The following CTDP1 variants were observed in gnomAD, a reference collection of about 807,000 sequenced individuals.
The protein encoded by CTDP1 is CTD phosphatase 1.
Under a neutral mutation model 91.8 loss-of-function variants are expected in CTDP1, and 47 were observed. The ratio of observed to expected loss-of-function variants is 0.51; its 90% CI spans 0.41 to 0.65. The LOEUF (loss-of-function observed/expected upper bound fraction) is 0.65, where lower values mean the gene tolerates loss of function less well. Among genes scored for constraint, CTDP1 ranks in the 30% least tolerant of loss-of-function variants. The pLI, the probability that CTDP1 is intolerant of heterozygous loss-of-function variation, is 0.00. For missense variants in CTDP1, 1,272 were observed against 1,373.7 expected (o/e 0.93, Z 1.17); for synonymous variants, 656 against 598.5 (o/e 1.10, Z -1.40).
At chr18:79,734,558 G>A (rs1275158900) in intron 11 of CTDP1, among the ~76,000 whole-genome samples, 6 of 151,142 alleles carry the variant, frequency 4.0e-5, no homozygotes, top group African/African-American at 1.5e-4. Flanking sequence ...TGGCACGGAC[G>A]TCTGAGGCCC....
intron 1 of CTDP1, among the ~76,000 whole-genome samples, chr18:79,691,253 A>G (rs910769310): frequency 6.6e-6 from 1 of 152,196 alleles, no homozygotes; most frequent in African/African-American, 2.4e-5. Context: ...CTTATAGTCA[A>G]CTTTCTTCAG....
chr18:79,710,471 G>C, intron 6 of CTDP1, 35 bp downstream of exon 6: 1 of 1,439,572 alleles, frequency 6.9e-7, no homozygotes, highest in Non-Finnish European at 9.8e-7. Context: ...CAAAGACCTC[G>C]CTGTTCATTT....
chr18:79,699,418 A>G (rs593378), intron 4 of CTDP1, among the ~76,000 whole-genome samples: 115,435 of 151,728 alleles, frequency 0.76, 44,158 homozygotes, highest in Middle Eastern at 0.79. Flanking sequence ...CCGCCACCAC[A>G]CCTGGCTAAT....
chr18:79,728,685 G>C (rs902760084), intron 10 of CTDP1, among the ~76,000 whole-genome samples: 22 of 77,668 alleles, frequency 2.8e-4, no homozygotes, highest in Admixed American at 9.7e-4. Flanking sequence ...TTTTCCACAG[G>C]ATAGTCAGAA....
intron 12 of CTDP1, among the ~76,000 whole-genome samples, chr18:79,736,945 CTGTA>C (rs943501368): frequency 6.6e-6 from 1 of 151,692 alleles, no homozygotes; most frequent in Non-Finnish European, 1.5e-5. Flanking sequence ...TGTACGGGGT[CTGTA>C]TGTGTGCACA....
intron 8 of CTDP1, 55 bp from the exon 9 acceptor site, chr18:79,717,480 G>T: frequency 1.2e-6 from 2 of 1,606,696 alleles, no homozygotes; most frequent in South Asian, 1.1e-5. Context: ...CCGGATGTGG[G>T]CCCTGAGCCT....
At chr18:79,701,570 T>TAAAA (rs1320980803) in intron 4 of CTDP1, among the ~76,000 whole-genome samples, 10 of 119,334 alleles carry the variant, frequency 8.4e-5, no homozygotes, top group Admixed American at 7.3e-4. Flanking sequence ...AATAAATAAA[T>TAAAA]AAAAGAGCTA....
intron 10 of CTDP1, among the ~76,000 whole-genome samples, chr18:79,723,027 C>A (rs914109584): frequency 3.9e-5 from 6 of 152,196 alleles, no homozygotes; most frequent in African/African-American, 1.4e-4. Context: ...ACTAAATAGA[C>A]CTGTGTCCGC....
At chr18:79,723,855 GC>G (rs1280139567) in intron 10 of CTDP1, among the ~76,000 whole-genome samples, 2 of 152,156 alleles carry the variant, frequency 1.3e-5, no homozygotes, top group African/African-American at 4.8e-5. Context: ...GCTGTGTACG[GC>G]AAGTCGGCAA....
intron 12 of CTDP1, among the ~76,000 whole-genome samples, chr18:79,745,246 ATGCGCGTTCTGTCCCTGCGTCCCTCCCG>A (rs1568219157): frequency 1.1e-3 from 112 of 99,040 alleles, no homozygotes; most frequent in Middle Eastern, 0.013. Context: ...CGTCCCTCCC[ATGCGCGTTCTGTCCCTGCGTCCCTCCCG>A]TGCGCGTTCT....
chr18:79,724,840 G>A (rs571101171), intron 10 of CTDP1, among the ~76,000 whole-genome samples: 1 of 152,266 alleles, frequency 6.6e-6, no homozygotes, highest in South Asian at 2.1e-4. Flanking sequence ...GCTCTTGAGG[G>A]TGGTTTTCTG....
upstream of CTDP1, chr18:79,678,601 C>CA (rs2085284617): frequency 6.6e-6 from 1 of 152,042 alleles, no homozygotes; most frequent in Non-Finnish European, 1.5e-5. Context: ...CGACAGTTTC[C>CA]AAAATGTTAG....
chr18:79,746,524 CA>C (rs1428273960), intron 12 of CTDP1, among the ~76,000 whole-genome samples: 1 of 152,226 alleles, frequency 6.6e-6, no homozygotes, highest in African/African-American at 2.4e-5. Flanking sequence ...TTCGTGTTTT[CA>C]TAGCTACACA....
intron 12 of CTDP1, chr18:79,750,032 G>A (rs1410761287): frequency 6.6e-6 from 1 of 151,888 alleles, no homozygotes; most frequent in Non-Finnish European, 1.5e-5. Flanking sequence ...CAAACAGCAG[G>A]CGGTGCCCAG....
rs904288464 is a variant in CTDP1, at chr18:79,713,860, C to T, written c.1031-631C>T. Among the ~76,000 whole-genome samples, 2 of 151,350 alleles carry T rather than the reference C, an allele frequency of 1.3e-5. No individual in the cohort carries two copies. Among genetic ancestry groups the T allele is most frequent in the African/African-American group, 2.4e-5 (1 of 41,096 alleles). On this transcript the variant is annotated intron_variant, in intron 7 of 12. Transcript: ENST00000613122. This position sits in a 1 kb window ranked among gnomAD's most constrained non-coding sequence, Gnocchi z 4.7. ...CCAGGTCATCCGGGGCTTACAGTCA[C>T]GGTGGCGCCAGGTCTGCAGGGGCTT... is the stretch of plus-strand genomic sequence containing the variant.
chr18:79,751,991 C>A (rs546161314), intron 12 of CTDP1, among the ~76,000 whole-genome samples: 24 of 152,360 alleles, frequency 1.6e-4, no homozygotes, highest in African/African-American at 5.8e-4. Context: ...CACATTTAAC[C>A]AGGCTTCCAC....
chr18:79,754,836 C>T (rs1017689695), downstream of CTDP1: 3 of 152,314 alleles, frequency 2.0e-5, no homozygotes, highest in Admixed American at 6.5e-5. Flanking sequence ...GGACCCCTCC[C>T]GGCCAGCAGC....
intron 4 of CTDP1, among the ~76,000 whole-genome samples, chr18:79,704,234 G>A (rs565806463): frequency 3.9e-5 from 6 of 152,346 alleles, no homozygotes; most frequent in South Asian, 2.1e-4. Context: ...TTAGGGTCAC[G>A]TCCTTATTTG....
rs2086506812 is a variant in CTDP1, at chr18:79,728,903, T to G, written c.2418-4T>G. 1 of 1,613,690 alleles carries G rather than the reference T, an allele frequency of 6.2e-7. No individual in the cohort carries two copies. The highest frequency in any genetic ancestry group is 8.5e-7 in the Non-Finnish European group (1 of 1,180,044). ...TCATGTGGGACCTATGAAATTCCTT[T>G]CAGAGCGGTTCCGCCACCCCAGCCG... On this transcript the variant is annotated splice_region_variant and splice_polypyrimidine_tract_variant and intron_variant, in intron 10 of 12. Transcript: ENST00000613122.
Sources: allele counts gnomAD v4.1 joint callset (sites outside exome capture counted in the v4.1 genomes callset), GRCh38; gene constraint gnomAD v4.1.1; non-coding constraint Gnocchi (gnomAD v3.1); transcripts MANE v1.5; gene names NCBI Gene and HGNC (gene_info 2026-07-23, HGNC 2026-07-21).